Variants in GPC6 observed in about 807,000 individuals in gnomAD.
GPC6 encodes glypican-6.
GPC6 carries 14 observed loss-of-function variants against 55.2 expected under a neutral mutation model. That is an observed-to-expected ratio of 0.25 (90% CI 0.17 to 0.40). GPC6 has a LOEUF of 0.40. Among genes scored for constraint, GPC6 ranks in the 10% least tolerant of loss-of-function variants. The probability of loss-of-function intolerance (pLI) is 1.00; values close to 1 mark genes in which losing one functional copy is unlikely to be tolerated. For synonymous variants in GPC6, 278 were observed against 259.6 expected (o/e 1.07, Z -0.68); for missense variants, 641 against 708.5 (o/e 0.90, Z 1.08).
At chr13:93,592,442 G>T (rs960281425) in intron 2 of GPC6, among the ~76,000 whole-genome samples, 1 of 148,326 alleles carries the variant, frequency 6.7e-6, no homozygotes, top group Non-Finnish European at 1.5e-5. Context: ...GTAGAGACGG[G>T]GTTTCACCGT....
At chr13:93,951,943 G>A (rs908645753) in intron 3 of GPC6, among the ~76,000 whole-genome samples, 4 of 152,084 alleles carry the variant, frequency 2.6e-5, no homozygotes, top group African/African-American at 9.7e-5. Flanking sequence ...TTTCTGAGCC[G>A]ATTGCCTTAG....
rs557657451 is a variant in GPC6 at position 93,579,035 on chromosome 13, G to C, written c.319+33614G>C. On this transcript the variant is annotated intron_variant, in intron 2 of 8. Transcript: ENST00000377047. ...ATTATATGTTCTCATTTATATGTTG[G>C]AGCTAAAAAACTAGATTTCGTGAAG... is the stretch of plus-strand genomic sequence containing the variant. Among the ~76,000 whole-genome samples the C allele has an allele frequency of 9.2e-5, 14 of 152,132 alleles. No individual in the cohort carries two copies. In the South Asian group the frequency reaches 2.9e-3, roughly 32 times the overall value.
chr13:93,659,849 G>A (rs138438114), intron 2 of GPC6, among the ~76,000 whole-genome samples: 47 of 151,932 alleles, frequency 3.1e-4, no homozygotes, highest in Middle Eastern at 3.4e-3. Flanking sequence ...TAAAGTAAAC[G>A]TATTTTATGT....
chr13:93,639,722 G>T (rs558356210), intron 2 of GPC6, among the ~76,000 whole-genome samples: 1 of 152,234 alleles, frequency 6.6e-6, no homozygotes, highest in Non-Finnish European at 1.5e-5. Context: ...TTTGTAGATG[G>T]CAAAGCCAAA....
chr13:93,282,454 G>A (rs1049502341), intron 1 of GPC6, among the ~76,000 whole-genome samples: 15 of 151,552 alleles, frequency 9.9e-5, no homozygotes, highest in Non-Finnish European at 1.9e-4. Flanking sequence ...AAGAGAGCAG[G>A]TATGTATTGT....
At chr13:93,539,940 C>G (rs1429226285) in intron 1 of GPC6, among the ~76,000 whole-genome samples, 1 of 152,146 alleles carries the variant, frequency 6.6e-6, no homozygotes, top group East Asian at 1.9e-4. Context: ...ATGTGCCTGC[C>G]TTGGCCTTCC....
chr13:94,069,177 T>A (rs903124705), intron 4 of GPC6, among the ~76,000 whole-genome samples: 3 of 152,180 alleles, frequency 2.0e-5, no homozygotes, highest in Non-Finnish European at 2.9e-5. Flanking sequence ...GACTTCTGTG[T>A]ACTTGCAGGC....
chr13:93,453,535 C>T (rs1255433135), intron 1 of GPC6, among the ~76,000 whole-genome samples: 2 of 91,948 alleles, frequency 2.2e-5, no homozygotes, highest in African/African-American at 3.7e-5. Flanking sequence ...AGAATGAAGC[C>T]GCGGACCCTC....
chr13:93,423,754 GA>G (rs965309017), intron 1 of GPC6, among the ~76,000 whole-genome samples: 1 of 151,970 alleles, frequency 6.6e-6, no homozygotes, highest in Non-Finnish European at 1.5e-5. Context: ...TTTCTCTTTT[GA>G]CCTTATAAAA....
intron 3 of GPC6, among the ~76,000 whole-genome samples, chr13:93,935,108 G>T (rs1878367567): frequency 6.6e-6 from 1 of 152,068 alleles, no homozygotes; most frequent in South Asian, 2.1e-4. Flanking sequence ...TACATGTGTT[G>T]TTGCTGGTTT....
At chr13:93,667,588 A>G (rs1328951622) in intron 2 of GPC6, among the ~76,000 whole-genome samples, 1 of 152,078 alleles carries the variant, frequency 6.6e-6, no homozygotes, top group African/African-American at 2.4e-5. Context: ...GCCCGCCACC[A>G]TGCCAGGCTA....
chr13:94,180,438 G>A (rs375704609), intron 4 of GPC6, among the ~76,000 whole-genome samples: 2 of 152,170 alleles, frequency 1.3e-5, no homozygotes, highest in Admixed American at 6.5e-5. Flanking sequence ...TGCAGTCTTT[G>A]AAGCCACAAT....
intron 3 of GPC6, among the ~76,000 whole-genome samples, chr13:93,875,947 T>C (rs375568300): frequency 6.6e-5 from 10 of 152,150 alleles, no homozygotes; most frequent in Admixed American, 3.9e-4. Context: ...AGGCATTTAA[T>C]TAAAATGAAT....
rs188487568 is a variant in GPC6 at position 93,807,069 on chromosome 13, G to A, written c.320-23085G>A. Among the ~76,000 whole-genome samples the A allele has an allele frequency of 9.4e-3, 1,433 of 152,238 alleles. 8 individuals are homozygous for A. Among genetic ancestry groups the A allele is most frequent in the Non-Finnish European group, 0.013 (891 of 68,008 alleles). The stretch of plus-strand genomic sequence containing the variant: ...AATGAAACCATAAAACTGACTGGGG[G>A]CCTCACTTTTTTCAGCAAACTTTTG... On this transcript the variant is annotated intron_variant, in intron 2 of 8. Coordinates refer to ENST00000377047, the MANE Select transcript of GPC6 (RefSeq NM_005708.5).
intron 4 of GPC6, among the ~76,000 whole-genome samples, chr13:94,130,069 G>C (rs1419333861): frequency 6.6e-6 from 1 of 152,126 alleles, no homozygotes; most frequent in Non-Finnish European, 1.5e-5. Context: ...GATGGAGCAA[G>C]ATATATTTAA....
At chr13:93,320,218 T>A (rs1300753368) in intron 1 of GPC6, among the ~76,000 whole-genome samples, 1 of 152,172 alleles carries the variant, frequency 6.6e-6, no homozygotes, top group Non-Finnish European at 1.5e-5. Flanking sequence ...TACTGCCTAA[T>A]ACCTTTAAAA....
intron 6 of GPC6, among the ~76,000 whole-genome samples, chr13:94,342,339 A>G (rs1475105277): frequency 6.6e-6 from 1 of 152,216 alleles, no homozygotes; most frequent in Non-Finnish European, 1.5e-5. Flanking sequence ...GAATAGGATG[A>G]GCCTTGAATC....
chr13:93,476,884 T>C (rs1879321435), intron 1 of GPC6, among the ~76,000 whole-genome samples: 1 of 152,230 alleles, frequency 6.6e-6, no homozygotes, highest in South Asian at 2.1e-4. Context: ...GATTATTTTC[T>C]TGAAGCCTAT....
intron 2 of GPC6, among the ~76,000 whole-genome samples, chr13:93,547,174 C>CAAAAAAAAAAAAAAAAA (rs55697128): frequency 7.7e-6 from 1 of 129,088 alleles, no homozygotes. Flanking sequence ...ACTAAAAATA[C>CAAAAAAAAAAAAAAAAA]AAAAAAAAAA....
Sources: gnomAD v4.1 joint callset for allele counts (sites outside exome capture counted in the v4.1 genomes callset) on GRCh38, gnomAD v4.1.1 for gene constraint, MANE v1.5 for transcripts, NCBI Gene and HGNC (gene_info 2026-07-23, HGNC 2026-07-21) for gene names.